Variants in ROBO1 observed in about 807,000 individuals in gnomAD.
The protein encoded by ROBO1 is roundabout guidance receptor 1, also known as roundabout homolog 1.
A neutral mutation model predicts 195.9 loss-of-function variants in ROBO1; 149 were observed. That is an observed-to-expected ratio of 0.76 (90% CI 0.67 to 0.87). ROBO1 has a LOEUF of 0.87. Among genes scored for constraint, ROBO1 ranks in the 40% least tolerant of loss-of-function variants. The pLI is 0.00. For missense variants in ROBO1, 1,933 were observed against 2,068.3 expected (o/e 0.93, Z 1.27); for synonymous variants, 816 against 733.2 (o/e 1.11, Z -1.82).
chr3:78,742,344 C>T (rs987340234), intron 5 of ROBO1, among the ~76,000 whole-genome samples: 4 of 151,896 alleles, frequency 2.6e-5, no homozygotes, highest in Admixed American at 1.3e-4. Context: ...AGAAGAATCA[C>T]GTACAATGAC....
intron 4 of ROBO1, among the ~76,000 whole-genome samples, chr3:78,771,876 T>A (rs558484922): frequency 5.9e-5 from 9 of 152,176 alleles, no homozygotes; most frequent in African/African-American, 2.2e-4. Context: ...GGATGCCTTT[T>A]ATTCCTTTCT....
intron 4 of ROBO1, among the ~76,000 whole-genome samples, chr3:78,845,097 T>C (rs908799968): frequency 6.6e-6 from 1 of 152,106 alleles, no homozygotes; most frequent in Non-Finnish European, 1.5e-5. Flanking sequence ...AGTCTTTGAG[T>C]GTGCATGTAT....
chr3:79,402,017 C>T (rs1027704745), intron 2 of ROBO1, among the ~76,000 whole-genome samples: 12 of 151,754 alleles, frequency 7.9e-5, no homozygotes, highest in African/African-American at 1.7e-4. Context: ...ATTTGTTAAA[C>T]GCATTTTGAT....
intron 4 of ROBO1, among the ~76,000 whole-genome samples, chr3:78,752,460 T>C (rs2082821708): frequency 6.6e-6 from 1 of 152,128 alleles, no homozygotes; most frequent in Non-Finnish European, 1.5e-5. Context: ...TATTTTGAAT[T>C]AAGAGATAAA....
At chr3:79,424,471 C>A (rs1361857583) in intron 2 of ROBO1, among the ~76,000 whole-genome samples, 2 of 151,820 alleles carry the variant, frequency 1.3e-5, no homozygotes, top group African/African-American at 4.8e-5. Flanking sequence ...ATGAAAATGA[C>A]CTATTAGTCA....
intron 1 of ROBO1, among the ~76,000 whole-genome samples, chr3:79,706,498 T>C (rs1364616994): frequency 6.6e-6 from 1 of 152,112 alleles, no homozygotes; most frequent in African/African-American, 2.4e-5. Flanking sequence ...ATAAATCCTA[T>C]TTTGTAATAG....
chr3:78,652,755 T>C (rs895760707), intron 18 of ROBO1, among the ~76,000 whole-genome samples: 5 of 152,218 alleles, frequency 3.3e-5, no homozygotes, highest in Non-Finnish European at 5.9e-5. Context: ...TTTTGATTCA[T>C]TATTTAAAAA....
chr3:78,652,380 C>T (rs1428731938), intron 18 of ROBO1, among the ~76,000 whole-genome samples: 2 of 151,970 alleles, frequency 1.3e-5, no homozygotes, highest in African/African-American at 2.4e-5. Context: ...CTTCTACAGG[C>T]ATGCTTAAAT....
intron 3 of ROBO1, among the ~76,000 whole-genome samples, chr3:79,046,062 T>TATAAC (rs2078585136): frequency 6.6e-6 from 1 of 152,152 alleles, no homozygotes; most frequent in Non-Finnish European, 1.5e-5. Context: ...TCTTTTAGTT[T>TATAAC]AGACTTGTGT....
intron 2 of ROBO1, among the ~76,000 whole-genome samples, chr3:79,396,366 C>T (rs1203091565): frequency 6.6e-6 from 1 of 151,790 alleles, no homozygotes; most frequent in Non-Finnish European, 1.5e-5. Context: ...ATATTCTATA[C>T]TAGGGTGACA....
chr3:79,202,069 T>C (rs1450770503), intron 2 of ROBO1, among the ~76,000 whole-genome samples: 3 of 151,990 alleles, frequency 2.0e-5, no homozygotes, highest in Non-Finnish European at 4.4e-5. Flanking sequence ...AAACCATCCA[T>C]GATCCTTCAA....
rs55894934 is a variant in ROBO1 at position 78,636,935 on chromosome 3, TTATATATATATATATATATA to T, written c.3038-847_3038-828del. ...TACATACATAATATATACATTCATT[TTATATATATATATATATATA>T]TATATATATATATATATGGCCTGCA... On this transcript the variant is annotated intron_variant, in intron 22 of 30. Coordinates refer to ENST00000464233, the MANE Select transcript of ROBO1 (RefSeq NM_002941.4). Among the ~76,000 whole-genome samples the T allele has an allele frequency of 1.4e-3, 136 of 96,696 alleles. 1 individual carries two copies. The highest frequency in any genetic ancestry group is 4.4e-3 in the African/African-American group (123 of 27,918). 63.4% of individuals were successfully genotyped at this position (96,696 alleles called of 152,430 possible).
intron 1 of ROBO1, among the ~76,000 whole-genome samples, chr3:79,687,188 C>A (rs1028172253): frequency 1.3e-5 from 2 of 152,146 alleles, no homozygotes; most frequent in Non-Finnish European, 2.9e-5. Flanking sequence ...AGCTGCGTCC[C>A]TTCTTTACAC....
intron 1 of ROBO1, among the ~76,000 whole-genome samples, chr3:79,654,378 A>C (rs946868089): frequency 6.6e-6 from 1 of 151,976 alleles, no homozygotes; most frequent in African/African-American, 2.4e-5. Context: ...AAAATTTAAA[A>C]CCAGAGGCAA....
intron 1 of ROBO1, among the ~76,000 whole-genome samples, chr3:79,603,776 CT>C (rs1295084220): frequency 6.6e-6 from 1 of 151,944 alleles, no homozygotes; most frequent in Non-Finnish European, 1.5e-5. Flanking sequence ...GAGTAAAGTG[CT>C]TTTTTATGTC....
intron 2 of ROBO1, among the ~76,000 whole-genome samples, chr3:79,410,829 A>G (rs2037737743): frequency 6.6e-6 from 1 of 152,162 alleles, no homozygotes; most frequent in Admixed American, 6.6e-5. Flanking sequence ...TGCAGTCCCC[A>G]TTGATCTCTC....
intron 4 of ROBO1, among the ~76,000 whole-genome samples, chr3:78,932,121 A>G (rs971773548): frequency 6.6e-6 from 1 of 152,224 alleles, no homozygotes; most frequent in Non-Finnish European, 1.5e-5. Flanking sequence ...TAGTCTATGA[A>G]TATGAGAAAG....
At chr3:79,048,224 C>G (rs756315319) in intron 3 of ROBO1, among the ~76,000 whole-genome samples, 6 of 152,100 alleles carry the variant, frequency 3.9e-5, no homozygotes, top group African/African-American at 1.4e-4. Context: ...ATGATCAGGT[C>G]TTTAAACTGT....
At chr3:79,635,334 T>C (rs553391979) in intron 1 of ROBO1, among the ~76,000 whole-genome samples, 1 of 152,274 alleles carries the variant, frequency 6.6e-6, no homozygotes, top group African/African-American at 2.4e-5. Context: ...TCCAACAGGG[T>C]GTATAAGATG....
Sources: allele counts gnomAD v4.1 joint callset (sites outside exome capture counted in the v4.1 genomes callset), GRCh38; gene constraint gnomAD v4.1.1; transcripts MANE v1.5; gene names NCBI Gene and HGNC (gene_info 2026-07-23, HGNC 2026-07-21).